COQ8A: variants seen among roughly 807,000 people sequenced by gnomAD.
COQ8A encodes the protein coenzyme Q8A, also known as atypical kinase COQ8A, mitochondrial.
A neutral mutation model predicts 65.0 loss-of-function variants in COQ8A; 51 were observed. That is an observed-to-expected ratio of 0.78 (90% CI 0.63 to 0.99). COQ8A has a LOEUF of 0.99. COQ8A is among the 50% of genes least tolerant of loss of function. COQ8A has a pLI of 0.00. For missense variants in COQ8A, 940 were observed against 875.0 expected (o/e 1.07, Z -0.94); for synonymous variants, 371 against 353.2 (o/e 1.05, Z -0.57).
intron 4 of COQ8A, among the ~76,000 whole-genome samples, chr1:226,970,535 C>T (rs781163026): frequency 8.5e-5 from 13 of 152,154 alleles, no homozygotes; most frequent in Non-Finnish European, 1.6e-4. Flanking sequence ...ATATGCAGTC[C>T]GTTGACTGAA....
intron 1 of COQ8A, among the ~76,000 whole-genome samples, chr1:226,945,059 AC>A (rs1244892879): frequency 6.6e-6 from 1 of 151,770 alleles, no homozygotes; most frequent in Non-Finnish European, 1.5e-5. Flanking sequence ...CTCTTTCTAG[AC>A]CCCGTTACAT....
rs1174096097 is a variant in COQ8A at position 226,972,083 on chromosome 1, C to T, written c.656-5366C>T. 6.6e-6 allele frequency among the ~76,000 whole-genome samples: 1 copy of T among 152,080 alleles called. No individual in the cohort carries two copies. The highest frequency in any genetic ancestry group is 1.5e-5 in the Non-Finnish European group (1 of 68,042). ...TGCAGGTTTAGAGGAGATGACTTAT[C>T]TCCTCTGTACCTATACATTGAGAAA... On this transcript the variant is annotated intron_variant, in intron 4 of 14. Transcript: ENST00000366777. The surrounding 1 kb of genome is among the most constrained non-coding windows in gnomAD (Gnocchi z 4.3).
chr1:226,942,337 A>T (rs1252378805), intron 1 of COQ8A, among the ~76,000 whole-genome samples: 1 of 151,848 alleles, frequency 6.6e-6, no homozygotes, highest in African/African-American at 2.4e-5. Context: ...GCAGAGGCAA[A>T]ACCTGCAAGC....
intron 2 of COQ8A, among the ~76,000 whole-genome samples, chr1:226,962,630 C>G (rs1010980063): frequency 1.3e-5 from 2 of 152,224 alleles, no homozygotes. Flanking sequence ...GGTCACCGCC[C>G]TCCTGCAGGC....
chr1:226,961,322 G>C (rs1428205511), intron 1 of COQ8A, 55 bp from the exon 2 acceptor site: 2 of 1,591,394 alleles, frequency 1.3e-6, no homozygotes, highest in Non-Finnish European at 1.7e-6. Context: ...TTGGTAGTGT[G>C]GGTTTGGCCT....
intron 2 of COQ8A, 89 bp downstream of exon 2, chr1:226,961,651 A>T: frequency 6.8e-7 from 1 of 1,466,446 alleles, no homozygotes. Flanking sequence ...GACCATGGCA[A>T]CTGGTCTTTG....
chr1:226,960,836 G>A (rs74822460), intron 1 of COQ8A, among the ~76,000 whole-genome samples: 5,582 of 152,170 alleles, frequency 0.037, 368 homozygotes, highest in African/African-American at 0.13. Context: ...ATCCGTCACA[G>A]GCCTCACTGG....
rs770172407 is a variant in COQ8A at position 226,965,458 on chromosome 1, C to T, written c.588+48C>T. ...GGGCCGAGGTAGCTGCCACCCACAG[C>T]AGTGATGGCCTTGGGCTCTGCTCTA... On this transcript the variant is annotated intron_variant, in intron 3 of 14. Coordinates refer to ENST00000366777, the MANE Select transcript of COQ8A (RefSeq NM_020247.5). 1.8e-4 allele frequency: 286 copies of T among 1,587,160 alleles called. 1 individual carries two copies. Among genetic ancestry groups the T allele is most frequent in the Non-Finnish European group, 1.7e-4 (197 of 1,168,004 alleles).
chr1:226,943,459 C>A (rs1409344491), intron 1 of COQ8A, among the ~76,000 whole-genome samples: 1 of 152,160 alleles, frequency 6.6e-6, no homozygotes, highest in Non-Finnish European at 1.5e-5. Flanking sequence ...GGTGGGAGCC[C>A]CACGGAGGTG....
At chr1:226,983,174 C>CCCCA in intron 8 of COQ8A, 140 bp downstream of exon 8, 2 of 1,280,424 alleles carry the variant, frequency 1.6e-6, no homozygotes, top group Non-Finnish European at 2.1e-6. Context: ...TGTCTTCTGG[C>CCCCA]CCCAGTGCCT....
At chr1:226,983,664 G>A (rs751143455) in intron 9 of COQ8A, 31 bp downstream of exon 9, 19 of 1,612,948 alleles carry the variant, frequency 1.2e-5, no homozygotes, top group Non-Finnish European at 1.0e-5. Context: ...GTCAAGGGCA[G>A]GAGTGGGTGG....
In COQ8A at chr1:226,982,169, G is replaced by A. The variant is rs771756019; in HGVS notation, c.853+20G>A. 8.3e-6 allele frequency: 13 copies of A among 1,559,580 alleles called. No individual in the cohort carries two copies. The Admixed American group carries it at 1.3e-4, about 16-fold the overall frequency. On this transcript the variant is annotated intron_variant, in intron 6 of 14. Coordinates refer to ENST00000366777, the MANE Select transcript of COQ8A (RefSeq NM_020247.5). ...TCCAGGGTGAGTGGGCGCGGGGGCT[G>A]CTGCCCCGGGACTGCGTGGGCTGCT...
In COQ8A at chr1:226,985,251, C is replaced by A. The variant is rs757502588; in HGVS notation, c.1573-3C>A. On this transcript the variant is annotated splice_polypyrimidine_tract_variant and splice_region_variant and intron_variant, in intron 13 of 14. Transcript: ENST00000366777. ...CACGGTCCCCTCCTGTGCCTCTCCC[C>A]AGATCATCAGGGCTGCTGCCGACAG... The A allele has an allele frequency of 1.9e-6, 3 of 1,613,402 alleles. No individual in the cohort carries two copies. The Admixed American group carries it at 5.0e-5, about 27-fold the overall frequency.
At position 226,984,116 on chromosome 1, in the gene COQ8A, T is replaced by A; in HGVS notation, c.1279T>A (p.Phe427Ile). 1.2e-6 allele frequency: 2 copies of A among 1,613,686 alleles called. No individual in the cohort carries two copies. The highest frequency in any genetic ancestry group is 2.2e-5 in the South Asian group (2 of 91,084). ...CAGGGACCTGCTGAAGGGCCACCCC[T>A]TCTTCTATGTGCCTGAGATTGTGGA... ...KFRDLLKGHPFFYVPEIVDEL... is the reference protein window; with the variant it reads ...KFRDLLKGHPIFYVPEIVDEL... The change falls in exon 11 of 15, where the codon TTC (phenylalanine) becomes ATC (isoleucine). Residue 427 changes from phenylalanine to isoleucine, a missense_variant. By Grantham distance (21) the Phe-to-Ile change is conservative. Transcript: ENST00000366777.
rs1256348594 is a variant in COQ8A at position 226,983,470 on chromosome 1, A to AGTTGGGG, written c.1081-73_1081-67dup. ...GGGGCCAGGACACAGCTGGGAAGCCAGTTGGGGGTTGGGGGAGTGCCCCAG... is the reference window on the plus strand; with the variant it reads ...GGGGCCAGGACACAGCTGGGAAGCCAGTTGGGGGTTGGGGGTTGGGGGAGTGCCCCAG... On this transcript the variant is annotated intron_variant, in intron 8 of 14. Coordinates refer to ENST00000366777, the MANE Select transcript of COQ8A (RefSeq NM_020247.5). 92 of 1,316,664 alleles carry AGTTGGGG rather than the reference A, an allele frequency of 7.0e-5. No homozygotes were observed. The East Asian group carries it at 2.1e-3, about 31-fold the overall frequency. The allele number at this position is 1,316,664 out of a possible 1,614,324, so 81.6% of individuals were successfully genotyped here.
chr1:226,945,427 C>T (rs1413711615), intron 1 of COQ8A, among the ~76,000 whole-genome samples: 1 of 152,174 alleles, frequency 6.6e-6, no homozygotes, highest in East Asian at 1.9e-4. Context: ...GAGCCTGGGC[C>T]CCAGCCCAGT....
At position 226,984,958 on chromosome 1, in the gene COQ8A, C is replaced by T. The variant is rs753047319; in HGVS notation, c.1572+17C>T. 1 of 1,613,764 alleles carries T rather than the reference C, an allele frequency of 6.2e-7. No homozygotes were observed. The highest frequency in any genetic ancestry group is 8.5e-7 in the Non-Finnish European group (1 of 1,179,878). On this transcript the variant is annotated intron_variant, in intron 13 of 14. Coordinates refer to ENST00000366777, the MANE Select transcript of COQ8A (RefSeq NM_020247.5). Reference sequence around the variant, plus strand: ...TACATTCAGGTAACTGGAGAGGGGCCCTGGCCTTGGTCCATGTTTTTCTGA... The same window carrying T: ...TACATTCAGGTAACTGGAGAGGGGCTCTGGCCTTGGTCCATGTTTTTCTGA...
chr1:226,983,135 AC>A (rs755638547), intron 8 of COQ8A, 101 bp downstream of exon 8: 22 of 1,469,502 alleles, frequency 1.5e-5, no homozygotes, highest in Non-Finnish European at 1.9e-5. Context: ...CCCGCAGGGC[AC>A]CCTCTCTCCT....
intron 1 of COQ8A, among the ~76,000 whole-genome samples, chr1:226,959,178 T>A (rs1657997320): frequency 6.6e-6 from 1 of 152,160 alleles, no homozygotes; most frequent in African/African-American, 2.4e-5. Context: ...TCTGGACAGA[T>A]GTTTCCTTCT....
Sources: gnomAD v4.1 joint callset for allele counts (sites outside exome capture counted in the v4.1 genomes callset) on GRCh38, gnomAD v4.1.1 for gene constraint, Gnocchi (gnomAD v3.1) non-coding constraint, MANE v1.5 for transcripts, NCBI Gene and HGNC (gene_info 2026-07-23, HGNC 2026-07-21) for gene names.